SCLT1: variants seen among roughly 807,000 people sequenced by gnomAD.
SCLT1 encodes sodium channel and clathrin linker 1.
In SCLT1, 78 loss-of-function variants were observed where a neutral mutation model predicts 112.8. That is an observed-to-expected ratio of 0.69 (90% CI 0.58 to 0.83). SCLT1 has a LOEUF of 0.83. Among genes scored for constraint, SCLT1 ranks in the 40% least tolerant of loss-of-function variants. The probability of loss-of-function intolerance (pLI) is 0.00; values close to 1 mark genes in which losing one functional copy is unlikely to be tolerated. For synonymous variants in SCLT1, 257 were observed against 254.7 expected, an observed-to-expected ratio of 1.01 and a Z score of -0.09; for missense variants, 747 against 770.4, an observed-to-expected ratio of 0.97 and a Z score of 0.36.
intron 17 of SCLT1, among the ~76,000 whole-genome samples, chr4:128,941,962 G>A (rs764952637): frequency 6.6e-6 from 1 of 152,172 alleles, no homozygotes; most frequent in Non-Finnish European, 1.5e-5. Flanking sequence ...TATGATAAAT[G>A]AGTTTGTTTC....
At chr4:128,914,310 G>A (rs1210924820) in intron 18 of SCLT1, among the ~76,000 whole-genome samples, 11 of 151,324 alleles carry the variant, frequency 7.3e-5, no homozygotes, top group Non-Finnish European at 1.3e-4. Flanking sequence ...AGATTGTAGT[G>A]AACCGAGATA....
At chr4:128,910,102 C>T (rs318536) in intron 18 of SCLT1, among the ~76,000 whole-genome samples, 34,449 of 152,058 alleles carry the variant, frequency 0.23, 4,761 homozygotes, top group African/African-American at 0.38. Context: ...TATACACATG[C>T]AAGTATTTCT....
downstream of SCLT1, among the ~76,000 whole-genome samples, chr4:128,879,380 GAC>G (rs201402871): frequency 0.022 from 3,402 of 152,234 alleles, 110 homozygotes; most frequent in African/African-American, 0.074. Context: ...TACATCCCAT[GAC>G]ACTTGGAGAA....
intron 10 of SCLT1, among the ~76,000 whole-genome samples, chr4:128,966,572 CAT>C (rs1048554627): frequency 2.6e-4 from 39 of 152,254 alleles, no homozygotes; most frequent in Admixed American, 9.8e-4. Flanking sequence ...AGTATGTACA[CAT>C]GTTATTTCAT....
intron 5 of SCLT1, chr4:129,037,841 G>A (rs146594462): frequency 5.5e-4 from 83 of 152,246 alleles, no homozygotes; most frequent in African/African-American, 1.9e-3. Flanking sequence ...AGCATTTTAT[G>A]AGAAAAGAAA....
intron 10 of SCLT1, among the ~76,000 whole-genome samples, chr4:128,969,188 G>GAAAAC (rs1740460476): frequency 6.6e-6 from 1 of 152,054 alleles, no homozygotes; most frequent in African/African-American, 2.4e-5. Context: ...TAATTTAGTT[G>GAAAAC]TCAGGCATGA....
chr4:129,060,954 A>G (rs35975200), intron 2 of SCLT1, among the ~76,000 whole-genome samples: 13,411 of 152,078 alleles, frequency 0.088, 755 homozygotes, highest in South Asian at 0.15. Context: ...GGACTCTAAG[A>G]CACCCCTATC....
intron 11 of SCLT1, among the ~76,000 whole-genome samples, chr4:128,964,388 G>A (rs560018248): frequency 6.6e-6 from 1 of 152,290 alleles, no homozygotes; most frequent in South Asian, 2.1e-4. Context: ...GATGGGTAAA[G>A]GTATCCGAAG....
At chr4:128,986,551 G>C (rs1225399293) in intron 9 of SCLT1, among the ~76,000 whole-genome samples, 1 of 152,150 alleles carries the variant, frequency 6.6e-6, no homozygotes, top group Admixed American at 6.5e-5. Context: ...CTGCTCCAAA[G>C]AGACTCTTTC....
chr4:128,940,138 G>GAA (rs900459470), intron 17 of SCLT1, among the ~76,000 whole-genome samples: 2 of 151,272 alleles, frequency 1.3e-5, no homozygotes, highest in African/African-American at 4.9e-5. Flanking sequence ...TACTAGATAG[G>GAA]AAAAATTCAT....
chr4:128,975,297 G>A (rs1407605734), intron 9 of SCLT1, among the ~76,000 whole-genome samples: 1 of 151,690 alleles, frequency 6.6e-6, no homozygotes, highest in Non-Finnish European at 1.5e-5. Flanking sequence ...CCTCGGCCTC[G>A]CAGACTGCTG....
chr4:129,068,301 ATTTCCACAGTGG>A (rs1750674334), intron 2 of SCLT1, among the ~76,000 whole-genome samples: 1 of 152,146 alleles, frequency 6.6e-6, no homozygotes, highest in South Asian at 2.1e-4. Context: ...CTCCACACTG[ATTTCCACAGTGG>A]TTGTGCTAGT....
At chr4:128,917,625 G>A (rs995555227) in intron 18 of SCLT1, among the ~76,000 whole-genome samples, 1 of 151,968 alleles carries the variant, frequency 6.6e-6, no homozygotes, top group African/African-American at 2.4e-5. Context: ...ATCTAGTAAA[G>A]GTATACTAAG....
At chr4:129,014,474 C>T (rs546611080) in intron 5 of SCLT1, among the ~76,000 whole-genome samples, 32 of 152,210 alleles carry the variant, frequency 2.1e-4, no homozygotes, top group Admixed American at 1.4e-3. Flanking sequence ...GCTGACCTTT[C>T]GAGGCTTTTG....
chr4:129,009,729 C>A (rs1351416282), intron 5 of SCLT1, among the ~76,000 whole-genome samples: 1 of 151,920 alleles, frequency 6.6e-6, no homozygotes, highest in Non-Finnish European at 1.5e-5. Context: ...AGCTTTTTTT[C>A]ATATGGTTAT....
chr4:129,061,779 T>G (rs1718987307), intron 2 of SCLT1, among the ~76,000 whole-genome samples: 1 of 152,096 alleles, frequency 6.6e-6, no homozygotes, highest in South Asian at 2.1e-4. Context: ...ATGAGGTGGC[T>G]GAAAAGCTGC....
intron 5 of SCLT1, among the ~76,000 whole-genome samples, chr4:129,019,481 A>T (rs1579721008): frequency 6.6e-6 from 1 of 152,006 alleles, no homozygotes; most frequent in Non-Finnish European, 1.5e-5. Context: ...GAAAAGGGGG[A>T]TAGTTAGTGA....
chr4:128,885,183 T>C (rs1579276225), intron 20 of SCLT1, among the ~76,000 whole-genome samples: 2 of 152,130 alleles, frequency 1.3e-5, no homozygotes, highest in African/African-American at 4.8e-5. Context: ...TGATAGATTA[T>C]AACAAGTCTA....
chr4:129,086,839 A>G (rs778415068), intron 1 of SCLT1, among the ~76,000 whole-genome samples: 2 of 152,198 alleles, frequency 1.3e-5, no homozygotes, highest in Non-Finnish European at 2.9e-5. Context: ...GGAGTAAGAT[A>G]CTTGAGTTTA....
Sources: allele counts gnomAD v4.1 joint callset (sites outside exome capture counted in the v4.1 genomes callset), GRCh38; gene constraint gnomAD v4.1.1; transcripts MANE v1.5; gene names NCBI Gene and HGNC (gene_info 2026-07-23, HGNC 2026-07-21).